Variants in SLC17A5 observed in about 807,000 individuals in gnomAD.
The protein encoded by SLC17A5 is solute carrier family 17 member 5.
In SLC17A5, 47 loss-of-function variants were observed where a neutral mutation model predicts 59.4. The ratio of observed to expected loss-of-function variants is 0.79; its 90% CI spans 0.63 to 1.01. The LOEUF is 1.01. Ranked by LOEUF, SLC17A5 falls within the 50% of genes least tolerant of loss-of-function variation. SLC17A5 has a pLI of 0.00. For missense variants in SLC17A5, 522 were observed against 595.5 expected (o/e 0.88, Z 1.28); for synonymous variants, 202 against 210.7 (o/e 0.96, Z 0.36).
At chr6:73,607,762 T>C (rs1767459592) in intron 9 of SLC17A5, among the ~76,000 whole-genome samples, 1 of 149,852 alleles carries the variant, frequency 6.7e-6, no homozygotes, top group South Asian at 2.1e-4. Context: ...GAACCAATTT[T>C]ATGTTCCTTA....
Position 73,594,706 on chromosome 6 carries a change from A to G in SLC17A5, c.*371T>C. 3.8e-6 allele frequency: 1 copy of G among 265,912 alleles called. No individual in the cohort carries two copies. Among genetic ancestry groups the G allele is most frequent in the Non-Finnish European group, 7.3e-6 (1 of 137,194 alleles). The allele number at this position is 265,912 out of a possible 1,614,324, so 16.5% of individuals were successfully genotyped here. ...ATTTTTATGAGGAAAGTGAACAACAACAGGTGTTTATCAGTACCTGAGAAT... is the reference window on the plus strand; with the variant it reads ...ATTTTTATGAGGAAAGTGAACAACAGCAGGTGTTTATCAGTACCTGAGAAT... On this transcript the variant is annotated 3_prime_UTR_variant, in exon 11 of 11. Transcript: ENST00000355773.
At chr6:73,645,728 C>A (rs1174441467) in intron 1 of SLC17A5, among the ~76,000 whole-genome samples, 3 of 143,110 alleles carry the variant, frequency 2.1e-5, no homozygotes, top group Non-Finnish European at 3.0e-5. Flanking sequence ...GCGGAGCTTG[C>A]AGCGAGAGGA....
chr6:73,646,598 C>A (rs1021906884), intron 1 of SLC17A5, among the ~76,000 whole-genome samples: 4 of 152,078 alleles, frequency 2.6e-5, no homozygotes, highest in African/African-American at 9.7e-5. Flanking sequence ...CTGCTGCAAC[C>A]AAATGGGCAG....
intron 9 of SLC17A5, among the ~76,000 whole-genome samples, chr6:73,603,351 CAAATTGCT>C (rs1253241210): frequency 6.6e-6 from 1 of 150,496 alleles, no homozygotes; most frequent in East Asian, 2.0e-4. Context: ...CCCAAATTGC[CAAATTGCT>C]GGGATTACAG....
intron 10 of SLC17A5, among the ~76,000 whole-genome samples, chr6:73,595,755 C>T (rs1244002407): frequency 2.0e-5 from 3 of 151,848 alleles, no homozygotes; most frequent in East Asian, 1.9e-4. Flanking sequence ...CTCTGTCACC[C>T]GGGCTGGAGT....
At chr6:73,653,110 T>C in intron 1 of SLC17A5, 2 of 985,462 alleles carry the variant, frequency 2.0e-6, no homozygotes, top group Non-Finnish European at 2.4e-6. Flanking sequence ...ACTTAAATCA[T>C]AGACTGCCAG....
chr6:73,597,243 G>A (rs970195934), intron 10 of SLC17A5, among the ~76,000 whole-genome samples: 5 of 151,718 alleles, frequency 3.3e-5, no homozygotes, highest in Non-Finnish European at 7.4e-5. Flanking sequence ...CATGGTGGGC[G>A]GATCACGAGG....
intron 1 of SLC17A5, chr6:73,645,477 A>G (rs2150121522): frequency 1.0e-6 from 1 of 985,318 alleles, no homozygotes; most frequent in South Asian, 4.7e-5. Context: ...AAATCAGTGA[A>G]TGTACCACCA....
In SLC17A5 at chr6:73,594,934, T is replaced by C; in HGVS notation, c.*143A>G. The C allele has an allele frequency of 1.2e-6, 1 of 829,574 alleles. No individual in the cohort carries two copies. Among genetic ancestry groups the C allele is most frequent in the East Asian group, 2.5e-5 (1 of 39,846 alleles). 51.4% of individuals were successfully genotyped at this position (829,574 alleles called of 1,614,324 possible). ...ATTTTATTATTCTGGCAACTAGTGA[T>C]ATTTCATGATTATAGGCCTTAAAAA... On this transcript the variant is annotated 3_prime_UTR_variant, in exon 11 of 11. Transcript: ENST00000355773.
At chr6:73,635,035 A>AG (rs1188196946) in intron 6 of SLC17A5, among the ~76,000 whole-genome samples, 1 of 152,056 alleles carries the variant, frequency 6.6e-6, no homozygotes, top group Non-Finnish European at 1.5e-5. Flanking sequence ...CTTTCTATAA[A>AG]AAATGAAAGA....
intron 6 of SLC17A5, among the ~76,000 whole-genome samples, chr6:73,623,943 C>T (rs953195963): frequency 3.4e-5 from 5 of 148,726 alleles, no homozygotes; most frequent in Admixed American, 6.7e-5. Context: ...GTGATCTGTC[C>T]GCCTCAGCCT....
intron 7 of SLC17A5, among the ~76,000 whole-genome samples, chr6:73,615,890 T>G (rs1767835185): frequency 6.9e-6 from 1 of 144,762 alleles, no homozygotes; most frequent in African/African-American, 2.5e-5. Context: ...CTTTTTTTTT[T>G]TTTTTTTTTT....
chr6:73,616,274 C>T (rs1464513779), intron 7 of SLC17A5, among the ~76,000 whole-genome samples: 2 of 152,030 alleles, frequency 1.3e-5, no homozygotes, highest in East Asian at 3.9e-4. Flanking sequence ...CCTATCAGAG[C>T]CCTCTTCCTC....
At chr6:73,627,523 C>T (rs1162271933) in intron 6 of SLC17A5, among the ~76,000 whole-genome samples, 1 of 151,386 alleles carries the variant, frequency 6.6e-6, no homozygotes, top group Non-Finnish European at 1.5e-5. Context: ...TATTCTCTTG[C>T]TATTGTTTCT....
At chr6:73,651,936 A>AT (rs1769890386) in intron 1 of SLC17A5, among the ~76,000 whole-genome samples, 1 of 152,146 alleles carries the variant, frequency 6.6e-6, no homozygotes, top group African/African-American at 2.4e-5. Flanking sequence ...GGTATCTGGG[A>AT]TTTGCTTCAA....
At chr6:73,626,749 TG>T (rs1164179014) in intron 6 of SLC17A5, among the ~76,000 whole-genome samples, 4 of 152,200 alleles carry the variant, frequency 2.6e-5, no homozygotes, top group Non-Finnish European at 5.9e-5. Context: ...TTGTCATATG[TG>T]TGACATATGT....
intron 1 of SLC17A5, among the ~76,000 whole-genome samples, chr6:73,647,723 C>G (rs1769646174): frequency 6.6e-6 from 1 of 152,162 alleles, no homozygotes; most frequent in African/African-American, 2.4e-5. Context: ...ATCTGACCTA[C>G]AAGTTATAGA....
At chr6:73,632,034 T>C (rs1423618941) in intron 6 of SLC17A5, among the ~76,000 whole-genome samples, 2 of 103,114 alleles carry the variant, frequency 1.9e-5, no homozygotes, top group South Asian at 5.3e-4. Context: ...TTGTACAAGG[T>C]GACTCATGCC....
At chr6:73,606,879 T>C (rs1237755367) in intron 9 of SLC17A5, among the ~76,000 whole-genome samples, 2 of 152,234 alleles carry the variant, frequency 1.3e-5, no homozygotes, top group African/African-American at 2.4e-5. Context: ...GCATCTATCA[T>C]AGGAGGCCTG....
Sources: gnomAD v4.1 joint callset for allele counts (sites outside exome capture counted in the v4.1 genomes callset) on GRCh38, gnomAD v4.1.1 for gene constraint, MANE v1.5 for transcripts, NCBI Gene and HGNC (gene_info 2026-07-23, HGNC 2026-07-21) for gene names.